Variants in RNF169 observed in about 807,000 individuals in gnomAD.
RNF169 encodes E3 ubiquitin-protein ligase RNF169.
A neutral mutation model predicts 53.9 loss-of-function variants in RNF169; 24 were observed. The observed-to-expected ratio is 0.45, with a 90% CI of 0.32 to 0.63. RNF169 has a LOEUF of 0.63. Among genes scored for constraint, RNF169 ranks in the 20% least tolerant of loss-of-function variants. The probability of loss-of-function intolerance (pLI) is 0.04; values close to 1 mark genes in which losing one functional copy is unlikely to be tolerated. For missense variants in RNF169, 883 were observed against 906.2 expected, an observed-to-expected ratio of 0.97 and a Z score of 0.33; for synonymous variants, 396 against 363.5, an observed-to-expected ratio of 1.09 and a Z score of -1.02.
intron 1 of RNF169, among the ~76,000 whole-genome samples, chr11:74,754,328 TTA>T (rs1169157601): frequency 6.6e-6 from 1 of 152,332 alleles, no homozygotes; most frequent in East Asian, 1.9e-4. Flanking sequence ...AAGAATTCAT[TTA>T]GTCTGTTTGA....
intron 4 of RNF169, among the ~76,000 whole-genome samples, chr11:74,829,440 C>T (rs2036144720): frequency 6.6e-6 from 1 of 152,116 alleles, no homozygotes; most frequent in Admixed American, 6.5e-5. Context: ...GTGGTGATTC[C>T]TCAAAAACCT....
Position 74,749,175 on chromosome 11 carries a change from G to A in RNF169, c.295G>A (p.Ala99Thr). The change falls in exon 1 of 6, where the codon GCG becomes ACG. Residue 99 changes from alanine to threonine, a missense_variant. Ala to Thr is a moderately conservative substitution (Grantham distance 58). Transcript: ENST00000299563. ...RGCAQRAADA[A>T]GPGCPRCRAR... ...CTGCGCCCAACGCGCCGCCGACGCG[G>A]CGGGCCCGGGTTGCCCTCGCTGCCG... 8.2e-7 allele frequency: 1 copy of A among 1,226,962 alleles called. No individual in the cohort carries two copies. Among genetic ancestry groups the A allele is most frequent in the South Asian group, 3.3e-5 (1 of 30,224 alleles). 76.0% of individuals were successfully genotyped at this position (1,226,962 alleles called of 1,614,324 possible).
At chr11:74,834,002 A>G (rs1313148179) in intron 4 of RNF169, among the ~76,000 whole-genome samples, 1 of 152,224 alleles carries the variant, frequency 6.6e-6, no homozygotes. Flanking sequence ...ACACTTGGGA[A>G]GTTTAGTTGC....
intron 1 of RNF169, among the ~76,000 whole-genome samples, chr11:74,779,969 C>T (rs939267158): frequency 6.6e-6 from 1 of 152,184 alleles, no homozygotes; most frequent in Non-Finnish European, 1.5e-5. Context: ...GCTATTGTGC[C>T]CGGCTAAGCA....
chr11:74,799,891 A>T (rs1438607818), intron 2 of RNF169, among the ~76,000 whole-genome samples: 1 of 151,536 alleles, frequency 6.6e-6, no homozygotes, highest in Non-Finnish European at 1.5e-5. Context: ...TTTATCAAAA[A>T]TTTAAGCTTA....
intron 1 of RNF169, 44 bp downstream of exon 1, chr11:74,749,426 G>A: frequency 9.0e-7 from 1 of 1,108,298 alleles, no homozygotes; most frequent in Non-Finnish European, 1.1e-6. Flanking sequence ...GCGAGGCCGA[G>A]CGCGCCCCGG....
At position 74,840,253 on chromosome 11, in the gene RNF169, C is replaced by G. The variant is rs773855104; in HGVS notation, c.*3523C>G. On this transcript the variant is annotated 3_prime_UTR_variant, in exon 6 of 6. Transcript: ENST00000299563. Reference sequence around the variant, plus strand: ...TTCCTGCTCTTGAGGAGCTCAATGTCTAATGGAATGCATTTGAATGTATGT... The same window carrying G: ...TTCCTGCTCTTGAGGAGCTCAATGTGTAATGGAATGCATTTGAATGTATGT... 6.6e-6 allele frequency: 1 copy of G among 152,162 alleles called. No homozygotes were observed. Among genetic ancestry groups the G allele is most frequent in the South Asian group, 2.1e-4 (1 of 4,828 alleles). The allele number at this position is 152,162 out of a possible 1,614,324, so 9.4% of individuals were successfully genotyped here. A position where few individuals can be genotyped will look rare whatever the true frequency, so the allele number is the denominator to read the frequency against.
chr11:74,795,219 CTTTTT>C (rs71471318), intron 2 of RNF169, among the ~76,000 whole-genome samples: 13 of 118,898 alleles, frequency 1.1e-4, no homozygotes, highest in Non-Finnish European at 8.9e-5. Flanking sequence ...TGTAGATACT[CTTTTT>C]TTTTTTTTTT....
At chr11:74,815,877 T>C (rs2035936082) in intron 3 of RNF169, among the ~76,000 whole-genome samples, 2 of 152,186 alleles carry the variant, frequency 1.3e-5, no homozygotes, top group South Asian at 4.1e-4. Context: ...AGACAGAAAT[T>C]GCCATTATTC....
rs1309866484 is a variant in RNF169 at position 74,836,547 on chromosome 11, T to G, written c.1944T>G (p.Gly648=). Residue 648 remains glycine (G), a synonymous_variant, in exon 6 of 6, where the codon GGT becomes GGG. Transcript: ENST00000299563. ...TGCGACAAACCAGTGGGGAGGTGGGTCTGGCCCCAACAGACCCAGTCCTGC... is the reference window on the plus strand; with the variant it reads ...TGCGACAAACCAGTGGGGAGGTGGGGCTGGCCCCAACAGACCCAGTCCTGC... ...KKLRQTSGEV[G]LAPTDPVLRE... is the part of the protein sequence containing the mutation. The G allele has an allele frequency of 6.2e-7, 1 of 1,614,030 alleles. No individual in the cohort carries two copies.
At chr11:74,831,732 A>C (rs531242080) in intron 4 of RNF169, 1 of 152,058 alleles carries the variant, frequency 6.6e-6, no homozygotes, top group Non-Finnish European at 1.5e-5. Flanking sequence ...AAGACTCACA[A>C]CTCCTGATTT....
intron 1 of RNF169, among the ~76,000 whole-genome samples, chr11:74,784,670 T>A (rs907282730): frequency 3.9e-5 from 6 of 152,220 alleles, no homozygotes; most frequent in African/African-American, 1.4e-4. Context: ...TAGCATGTGC[T>A]AGAATTTCAG....
intron 1 of RNF169, among the ~76,000 whole-genome samples, chr11:74,758,043 T>G (rs1361546296): frequency 1.4e-5 from 1 of 73,358 alleles, no homozygotes; most frequent in Non-Finnish European, 2.3e-5. Context: ...TTGCCATTGC[T>G]TTTGGTGTTT....
At chr11:74,760,053 C>T (rs949160840) in intron 1 of RNF169, among the ~76,000 whole-genome samples, 3,161 of 151,278 alleles carry the variant, frequency 0.021, 121 homozygotes, top group African/African-American at 0.074. Flanking sequence ...GTGTATGTGT[C>T]GAGGAATGTA....
intron 1 of RNF169, among the ~76,000 whole-genome samples, chr11:74,755,149 T>G (rs1481646284): frequency 6.6e-6 from 1 of 152,212 alleles, no homozygotes; most frequent in Non-Finnish European, 1.5e-5. Context: ...TAATGACACA[T>G]ATCCGAGAAT....
intron 1 of RNF169, among the ~76,000 whole-genome samples, chr11:74,770,257 C>CT (rs1323556163): frequency 6.6e-6 from 1 of 152,254 alleles, no homozygotes; most frequent in Non-Finnish European, 1.5e-5. Context: ...ACTTGAGAGT[C>CT]TAAGCGATAG....
intron 4 of RNF169, chr11:74,832,304 T>C (rs1325673282): frequency 1.3e-5 from 2 of 152,058 alleles, no homozygotes; most frequent in African/African-American, 4.8e-5. Context: ...TTTTTTTTTT[T>C]TTTCTTCATT....
rs368886428 is a variant in RNF169, at chr11:74,835,731, C to T, written c.1128C>T (p.Ser376=). The change falls in exon 6 of 6, where the codon TCC becomes TCT. Residue 376 remains serine (S), a synonymous_variant. Transcript: ENST00000299563. ...GCCCTGAGAGCAATGACAGCATCTCCGAAGAACTAAACCATTTCAAGCCCA... is the reference window on the plus strand; with the variant it reads ...GCCCTGAGAGCAATGACAGCATCTCTGAAGAACTAAACCATTTCAAGCCCA... ...SVSPESNDSI[S]EELNHFKPIV... 27 of 1,614,054 alleles carry T rather than the reference C, an allele frequency of 1.7e-5. No homozygotes were observed. The highest frequency in any genetic ancestry group is 1.5e-4 in the African/African-American group (11 of 74,914).
At chr11:74,797,234 A>G (rs958567474) in intron 2 of RNF169, among the ~76,000 whole-genome samples, 1 of 152,248 alleles carries the variant, frequency 6.6e-6, no homozygotes. Flanking sequence ...CTTCGAAATT[A>G]CATTTTAAAG....
Sources: gnomAD v4.1 joint callset for allele counts (sites outside exome capture counted in the v4.1 genomes callset) on GRCh38, gnomAD v4.1.1 for gene constraint, MANE v1.5 for transcripts, NCBI Gene and HGNC (gene_info 2026-07-23, HGNC 2026-07-21) for gene names.